NBEA: variants seen among roughly 807,000 people sequenced by gnomAD.
NBEA encodes the protein neurobeachin.
In NBEA, 44 loss-of-function variants were observed where a neutral mutation model predicts 343.4. The observed-to-expected ratio is 0.13, with a 90% CI of 0.10 to 0.16. The LOEUF is 0.16. Among genes scored for constraint, NBEA ranks in the 10% least tolerant of loss-of-function variants. The pLI, the probability that NBEA is intolerant of heterozygous loss-of-function variation, is 1.00. For missense variants in NBEA, 2,555 were observed against 3,631.3 expected (o/e 0.70, Z 7.62); for synonymous variants, 1,175 against 1,238.7 (o/e 0.95, Z 1.08).
chr13:35,403,092 T>G (rs999500788), intron 38 of NBEA, among the ~76,000 whole-genome samples: 1 of 152,116 alleles, frequency 6.6e-6, no homozygotes, highest in Non-Finnish European at 1.5e-5. Context: ...AAGACTATTC[T>G]GTGTCATAAC....
chr13:35,404,260 C>A (rs974901975), intron 38 of NBEA, among the ~76,000 whole-genome samples: 1 of 151,968 alleles, frequency 6.6e-6, no homozygotes, highest in Admixed American at 6.6e-5. Flanking sequence ...TGGGTATATA[C>A]CCAAAGGACT....
At chr13:35,300,248 CG>C (rs2036449752) in intron 35 of NBEA, among the ~76,000 whole-genome samples, 1 of 152,056 alleles carries the variant, frequency 6.6e-6, no homozygotes, top group Admixed American at 6.6e-5. Flanking sequence ...CGCTTGAACC[CG>C]GGATGTGGAG....
chr13:34,950,212 G>T (rs1277543892), intron 1 of NBEA, among the ~76,000 whole-genome samples: 3 of 152,162 alleles, frequency 2.0e-5, no homozygotes, highest in Non-Finnish European at 4.4e-5. Context: ...GAGACAGCTT[G>T]ATAACTTCTT....
rs184165014 is a variant in NBEA at position 35,162,117 on chromosome 13, T to G, written c.4079+150T>G. ...TCTTGTTTAAATTAATACCATGTAC[T>G]AAATTTATTAGTGATAATAATATAT... On this transcript the variant is annotated intron_variant, in intron 23 of 58. Coordinates refer to ENST00000379939, the MANE Select transcript of NBEA (RefSeq NM_001385012.1). The G allele has an allele frequency of 1.2e-5, 8 of 641,900 alleles. No individual in the cohort carries two copies. The African/African-American group carries it at 1.3e-4, about 10-fold the overall frequency. The allele number at this position is 641,900 out of a possible 1,614,324, so 39.8% of individuals were successfully genotyped here.
chr13:35,244,159 A>C (rs1207641529), intron 34 of NBEA, among the ~76,000 whole-genome samples: 1 of 151,958 alleles, frequency 6.6e-6, no homozygotes, highest in Admixed American at 6.6e-5. Flanking sequence ...TAAACACTTA[A>C]AAATAAAACA....
At chr13:35,644,577 G>A (rs1391874371) in intron 49 of NBEA, among the ~76,000 whole-genome samples, 1 of 152,142 alleles carries the variant, frequency 6.6e-6, no homozygotes, top group African/African-American at 2.4e-5. Flanking sequence ...GCCCCCACTT[G>A]TGTCCTTTTT....
At chr13:35,413,864 A>T (rs2043736806) in intron 38 of NBEA, among the ~76,000 whole-genome samples, 1 of 152,138 alleles carries the variant, frequency 6.6e-6, no homozygotes, top group Admixed American at 6.6e-5. Context: ...AACAAAAAAT[A>T]AACAAATGAA....
chr13:35,489,198 G>A (rs1594791239), intron 41 of NBEA, among the ~76,000 whole-genome samples: 1 of 151,740 alleles, frequency 6.6e-6, no homozygotes, highest in Non-Finnish European at 1.5e-5. Flanking sequence ...TTTGTATCTT[G>A]AATGGGGAAT....
At chr13:35,366,084 A>C (rs1412587400) in intron 38 of NBEA, among the ~76,000 whole-genome samples, 1 of 151,588 alleles carries the variant, frequency 6.6e-6, no homozygotes, top group Non-Finnish European at 1.5e-5. Context: ...ATTTTAAGTA[A>C]CTGAGTTAAA....
intron 11 of NBEA, among the ~76,000 whole-genome samples, chr13:35,103,114 T>C (rs2065732753): frequency 6.6e-6 from 1 of 151,820 alleles, no homozygotes; most frequent in African/African-American, 2.4e-5. Flanking sequence ...TCTGTAGTAC[T>C]TGAGATGATT....
At chr13:35,230,036 C>T (rs1566490822) in intron 33 of NBEA, among the ~76,000 whole-genome samples, 1 of 151,982 alleles carries the variant, frequency 6.6e-6, no homozygotes, top group Non-Finnish European at 1.5e-5. Context: ...TCTTTGCCCC[C>T]TATTAGAAAA....
Position 35,640,117 on chromosome 13 carries a change from C to T in NBEA, c.7618-5752C>T, listed in dbSNP as rs371650856. The stretch of plus-strand genomic sequence containing the variant: ...TGAATTCTGGCTTACTTGGTTGCCA[C>T]ATTTAATTTTACCTTAGTAGGAAGT... On this transcript the variant is annotated intron_variant, in intron 49 of 58. Coordinates refer to ENST00000379939, the MANE Select transcript of NBEA (RefSeq NM_001385012.1). Among the ~76,000 whole-genome samples the T allele has an allele frequency of 5.9e-5, 9 of 152,298 alleles. No homozygotes were observed. In the South Asian group the frequency reaches 1.2e-3, roughly 21 times the overall value.
At chr13:35,621,731 T>C (rs946276959) in intron 48 of NBEA, among the ~76,000 whole-genome samples, 29 of 146,522 alleles carry the variant, frequency 2.0e-4, no homozygotes, top group African/African-American at 7.3e-4. Context: ...TATTCCTTCC[T>C]CTTGTGATCA....
At chr13:35,475,956 A>T (rs778478337) in intron 41 of NBEA, 11 of 1,613,940 alleles carry the variant, frequency 6.8e-6, no homozygotes, top group Non-Finnish European at 8.5e-6. Flanking sequence ...CCTCGTAGCG[A>T]TTGTCCATCT....
intron 1 of NBEA, among the ~76,000 whole-genome samples, chr13:35,017,953 T>A (rs1194845100): frequency 6.6e-6 from 1 of 152,160 alleles, no homozygotes; most frequent in East Asian, 1.9e-4. Flanking sequence ...GGCTGTGTGG[T>A]TGTTTCTGTT....
intron 48 of NBEA, among the ~76,000 whole-genome samples, chr13:35,616,091 C>G (rs574235729): frequency 6.6e-6 from 1 of 152,254 alleles, no homozygotes; most frequent in South Asian, 2.1e-4. Flanking sequence ...AACTGGAATA[C>G]ACCTTTATTT....
chr13:35,576,331 G>C (rs189250248), intron 45 of NBEA, among the ~76,000 whole-genome samples: 95 of 151,278 alleles, frequency 6.3e-4, no homozygotes, highest in Admixed American at 1.9e-3. Flanking sequence ...TGGCCAGACT[G>C]ATCTTGACCT....
At chr13:35,475,019 T>G in intron 41 of NBEA, 2 of 1,582,500 alleles carry the variant, frequency 1.3e-6, no homozygotes, top group Non-Finnish European at 1.7e-6. Context: ...ATAAGGACTT[T>G]GAGAAGGGTA....
At chr13:34,959,506 T>C (rs926583130) in intron 1 of NBEA, among the ~76,000 whole-genome samples, 14 of 152,110 alleles carry the variant, frequency 9.2e-5, no homozygotes, top group African/African-American at 3.4e-4. Context: ...TCTTTTGAAC[T>C]ATTAACAGTT....
Sources: gnomAD v4.1 joint callset for allele counts (sites outside exome capture counted in the v4.1 genomes callset) on GRCh38, gnomAD v4.1.1 for gene constraint, MANE v1.5 for transcripts, NCBI Gene and HGNC (gene_info 2026-07-23, HGNC 2026-07-21) for gene names.